The following THADA variants were observed in gnomAD, a reference collection of about 807,000 sequenced individuals.
The protein encoded by THADA is tRNA (32-2'-O)-methyltransferase regulator THADA.
In THADA, 213 loss-of-function variants were observed where a neutral mutation model predicts 219.8. That is an observed-to-expected ratio of 0.97 (90% CI 0.87 to 1.09). The LOEUF (loss-of-function observed/expected upper bound fraction) is 1.09, where lower values mean the gene tolerates loss of function less well. Among genes scored for constraint, THADA ranks in the 50% least tolerant of loss-of-function variants. THADA has a pLI of 0.00. For missense variants in THADA, 2,956 were observed against 2,311.3 expected (o/e 1.28, Z -5.72); for synonymous variants, 1,018 against 828.9 (o/e 1.23, Z -3.92).
At chr2:43,463,290 G>C (rs546379563) in intron 26 of THADA, 3 of 152,142 alleles carry the variant, frequency 2.0e-5, no homozygotes, top group African/African-American at 7.2e-5. Flanking sequence ...AAACCAACAG[G>C]TATAAAGAGA....
At chr2:43,388,851 T>C (rs1360965239) in intron 29 of THADA, among the ~76,000 whole-genome samples, 3 of 152,212 alleles carry the variant, frequency 2.0e-5, no homozygotes, top group Non-Finnish European at 4.4e-5. Flanking sequence ...ATGTACAACA[T>C]TAATTTTTTT....
chr2:43,267,015 A>G (rs1405459240), intron 36 of THADA, among the ~76,000 whole-genome samples: 1 of 152,104 alleles, frequency 6.6e-6, no homozygotes, highest in Non-Finnish European at 1.5e-5. Flanking sequence ...TTAAAAAGCT[A>G]TCTTTCTAGT....
At chr2:43,398,616 T>C (rs780207091) in intron 28 of THADA, among the ~76,000 whole-genome samples, 4 of 152,110 alleles carry the variant, frequency 2.6e-5, no homozygotes, top group Non-Finnish European at 4.4e-5. Flanking sequence ...ATTATGACTA[T>C]AGAAACTCAG....
chr2:43,568,187 C>T (rs951944926), intron 14 of THADA, among the ~76,000 whole-genome samples: 3 of 152,200 alleles, frequency 2.0e-5, no homozygotes, highest in African/African-American at 7.2e-5. Context: ...TGTTATCTCA[C>T]AGCCTTTTTA....
At chr2:43,349,829 C>T (rs6729902) in intron 29 of THADA, among the ~76,000 whole-genome samples, 30,159 of 152,122 alleles carry the variant, frequency 0.2, 3,099 homozygotes, top group Middle Eastern at 0.25. Flanking sequence ...AAAGCAAATG[C>T]TATGTTTTTC....
intron 21 of THADA, among the ~76,000 whole-genome samples, chr2:43,532,031 G>A (rs1325228643): frequency 2.0e-5 from 3 of 150,940 alleles, no homozygotes; most frequent in African/African-American, 7.3e-5. Context: ...ACAAGATAAG[G>A]GTTCCTACTG....
In THADA at chr2:43,488,798, G is replaced by A. The variant is rs114878662; in HGVS notation, c.3745-3473C>T. Among the ~76,000 whole-genome samples, 454 of 152,196 alleles carry A rather than the reference G, an allele frequency of 3.0e-3. 3 individuals carry two copies. The highest frequency in any genetic ancestry group is 0.01 in the African/African-American group (424 of 41,536). On this transcript the variant is annotated intron_variant, in intron 25 of 37. Coordinates refer to ENST00000405975, the MANE Select transcript of THADA (RefSeq NM_022065.5). Reference sequence around the variant, plus strand: ...ATAGTCTCACTGGCAATGTATTAGCGTTCCAATTTCACCAGTTCTCCAATT... The same window carrying A: ...ATAGTCTCACTGGCAATGTATTAGCATTCCAATTTCACCAGTTCTCCAATT...
At chr2:43,378,743 T>C (rs962250396) in intron 29 of THADA, among the ~76,000 whole-genome samples, 3 of 152,180 alleles carry the variant, frequency 2.0e-5, no homozygotes, top group Admixed American at 1.3e-4. Context: ...ATAGCTGGGA[T>C]TACAGGCACC....
At chr2:43,524,823 C>A (rs1692955177) in intron 22 of THADA, among the ~76,000 whole-genome samples, 1 of 152,130 alleles carries the variant, frequency 6.6e-6, no homozygotes, top group East Asian at 1.9e-4. Context: ...GCTAAGATAC[C>A]AGGCATTGGG....
rs141735989 is a variant in THADA, at chr2:43,367,462, T to C, written c.4228-23225A>G. ...TTTTCTGACTACAGGATTCTTCATC[T>C]ATTAAAAAGCCTTGTGGGTGAACTA... On this transcript the variant is annotated intron_variant, in intron 29 of 37. Coordinates refer to ENST00000405975, the MANE Select transcript of THADA (RefSeq NM_022065.5). Among the ~76,000 whole-genome samples the C allele has an allele frequency of 1.5e-4, 23 of 152,362 alleles. 1 individual carries two copies. The East Asian group carries it at 4.4e-3, about 29-fold the overall frequency.
At chr2:43,564,988 A>G (rs1168885340) in intron 15 of THADA, 1 of 152,226 alleles carries the variant, frequency 6.6e-6, no homozygotes, top group Non-Finnish European at 1.5e-5. Flanking sequence ...TATAATATAA[A>G]AGGCCATTTG....
intron 26 of THADA, among the ~76,000 whole-genome samples, chr2:43,460,810 G>T (rs186978276): frequency 1.3e-5 from 2 of 152,338 alleles, no homozygotes; most frequent in Non-Finnish European, 2.9e-5. Context: ...GCCCACAGAG[G>T]AATGCTCCAG....
At chr2:43,434,721 T>C (rs1679844307) in intron 26 of THADA, among the ~76,000 whole-genome samples, 1 of 152,196 alleles carries the variant, frequency 6.6e-6, no homozygotes, top group Admixed American at 6.5e-5. Flanking sequence ...TGAGAGCTAC[T>C]TCCAATCAAT....
Position 43,466,660 on chromosome 2 carries a change from A to G in THADA, c.3836+18574T>C, listed in dbSNP as rs191251860. 7.2e-5 allele frequency among the ~76,000 whole-genome samples: 11 copies of G among 152,280 alleles called. No homozygotes were observed. The East Asian group carries it at 1.7e-3, about 24-fold the overall frequency. On this transcript the variant is annotated intron_variant, in intron 26 of 37. Transcript: ENST00000405975. ...ATGAATGCTTACAAGAGCTAATTGT[A>G]TTGTGCATTTACTCTGTGCCAAGTA...
rs778900232 is a variant in THADA at position 43,551,863 on chromosome 2, C to A, written c.2873G>T (p.Arg958Met). 1 of 1,613,886 alleles carries A rather than the reference C, an allele frequency of 6.2e-7. No individual in the cohort carries two copies. The highest frequency in any genetic ancestry group is 8.5e-7 in the Non-Finnish European group (1 of 1,179,846). ...GACTGGAGACACCACAGTGGAAAGC[C>A]TGTAGGACATCAAAAGGAGCTTCTC... ...VVEKLLLMSY[R>M]LSTVVSPVIQ... The change falls in exon 19 of 38, where the codon AGG becomes ATG. Residue 958 changes from arginine (R) to methionine (M), a missense_variant. Coordinates refer to ENST00000405975, the MANE Select transcript of THADA (RefSeq NM_022065.5).
chr2:43,339,079 G>C (rs1213349568), intron 30 of THADA, among the ~76,000 whole-genome samples: 4 of 152,040 alleles, frequency 2.6e-5, no homozygotes, highest in Non-Finnish European at 5.9e-5. Context: ...AAAGATGAAG[G>C]AATTACATAC....
At chr2:43,448,099 G>A (rs1681813523) in intron 26 of THADA, among the ~76,000 whole-genome samples, 3 of 152,008 alleles carry the variant, frequency 2.0e-5, no homozygotes, top group Non-Finnish European at 2.9e-5. Flanking sequence ...ATAAAGCATC[G>A]AAACAAAACA....
chr2:43,265,286 C>G (rs975050075), intron 36 of THADA, among the ~76,000 whole-genome samples: 6 of 152,178 alleles, frequency 3.9e-5, no homozygotes, highest in African/African-American at 1.4e-4. Context: ...GCCGAGCCAA[C>G]ATTTTTGAGT....
chr2:43,450,200 T>A (rs1416661699), intron 26 of THADA, among the ~76,000 whole-genome samples: 1 of 152,208 alleles, frequency 6.6e-6, no homozygotes, highest in Non-Finnish European at 1.5e-5. Flanking sequence ...GACTAGCATA[T>A]TTTTAAAAAC....
Sources: gnomAD v4.1 joint callset for allele counts (sites outside exome capture counted in the v4.1 genomes callset) on GRCh38, gnomAD v4.1.1 for gene constraint, MANE v1.5 for transcripts, NCBI Gene and HGNC (gene_info 2026-07-23, HGNC 2026-07-21) for gene names.